TAFA1: variants seen among roughly 807,000 people sequenced by gnomAD.
TAFA1 encodes chemokine-like protein TAFA-1.
A neutral mutation model predicts 18.5 loss-of-function variants in TAFA1; 4 were observed. That is an observed-to-expected ratio of 0.22 (90% CI 0.11 to 0.49). The LOEUF is 0.49. Among genes scored for constraint, TAFA1 ranks in the 20% least tolerant of loss-of-function variants. TAFA1 has a pLI of 0.98. For missense variants in TAFA1, 147 were observed against 169.0 expected (o/e 0.87, Z 0.72); for synonymous variants, 56 against 55.2 (o/e 1.01, Z -0.06).
chr3:68,262,351 A>G lies in TAFA1; in HGVS notation c.119-154929A>G, dbSNP rs1397764988. Among the ~76,000 whole-genome samples the G allele has an allele frequency of 2.1e-4, 20 of 94,492 alleles. 1 individual carries two copies. Among genetic ancestry groups the G allele is most frequent in the Admixed American group, 1.8e-3 (16 of 9,106 alleles). 62.0% of individuals were successfully genotyped at this position (94,492 alleles called of 152,430 possible). A position where few individuals can be genotyped will look rare whatever the true frequency, so the allele number is the denominator to read the frequency against. ...TATATATATATATATATATATATAT[A>G]TATATATTTCATGGGTATATTGAAC... On this transcript the variant is annotated intron_variant, in intron 2 of 4. Coordinates refer to ENST00000478136, the MANE Select transcript of TAFA1 (RefSeq NM_213609.4).
At chr3:68,090,065 C>A (rs572064735) in intron 2 of TAFA1, among the ~76,000 whole-genome samples, 2 of 152,120 alleles carry the variant, frequency 1.3e-5, no homozygotes, top group Non-Finnish European at 2.9e-5. Flanking sequence ...TTCCTTCATT[C>A]GTTCAATCAC....
intron 2 of TAFA1, among the ~76,000 whole-genome samples, chr3:68,262,333 A>T (rs1371954664): frequency 1.1e-5 from 1 of 92,058 alleles, no homozygotes; most frequent in African/African-American, 4.6e-5. Flanking sequence ...ATATATATAT[A>T]TATATATATA....
At chr3:68,264,081 C>T (rs575301127) in intron 2 of TAFA1, among the ~76,000 whole-genome samples, 1 of 152,050 alleles carries the variant, frequency 6.6e-6, no homozygotes, top group Admixed American at 6.6e-5. Flanking sequence ...CACTTGAGGC[C>T]AACATGGTGA....
chr3:68,365,779 G>T (rs6781178), intron 2 of TAFA1, among the ~76,000 whole-genome samples: 1 of 152,026 alleles, frequency 6.6e-6, no homozygotes, highest in Non-Finnish European at 1.5e-5. Context: ...AGGTGAAAGG[G>T]GTTTCCCCTT....
chr3:68,006,132 T>C (rs1285280637), intron 1 of TAFA1: 5 of 155,322 alleles, frequency 3.2e-5, no homozygotes, highest in Non-Finnish European at 7.1e-5. Context: ...CTCTGAGAAA[T>C]GATTACTTAG....
intron 2 of TAFA1, among the ~76,000 whole-genome samples, chr3:68,225,879 T>C (rs554006272): frequency 1.0e-5 from 1 of 100,098 alleles, no homozygotes; most frequent in African/African-American, 3.1e-5. Context: ...AGGTTTGCTG[T>C]AAGCATAAAA....
intron 2 of TAFA1, among the ~76,000 whole-genome samples, chr3:68,298,317 T>C (rs2068247232): frequency 6.6e-6 from 1 of 152,166 alleles, no homozygotes; most frequent in Admixed American, 6.5e-5. Context: ...AGGGTCCATG[T>C]AGGGGCTGAA....
At chr3:68,272,116 A>T (rs1333570050) in intron 2 of TAFA1, among the ~76,000 whole-genome samples, 6 of 152,300 alleles carry the variant, frequency 3.9e-5, no homozygotes, top group Middle Eastern at 3.4e-3. Context: ...TGCCAAAGAT[A>T]GAAATCACTT....
intron 2 of TAFA1, among the ~76,000 whole-genome samples, chr3:68,106,844 A>G (rs528846757): frequency 2.6e-5 from 4 of 152,234 alleles, no homozygotes; most frequent in Admixed American, 6.6e-5. Flanking sequence ...ATCATTAGTC[A>G]TTAGGGAAAC....
chr3:68,495,998 CAAAAAAAAAAAAAAAAA>C (rs199520960), intron 3 of TAFA1, among the ~76,000 whole-genome samples: 24 of 107,516 alleles, frequency 2.2e-4, no homozygotes, highest in Admixed American at 4.6e-4. Context: ...TTCCCTGAAG[CAAAAAAAAAAAAAAAAA>C]AAAAAAAAAA....
chr3:67,991,734 A>C, the TAFA1 span, among the ~76,000 whole-genome samples: 1 of 152,202 alleles, frequency 6.6e-6, no homozygotes, highest in Non-Finnish European at 1.5e-5. Context: ...GGATTGAGCC[A>C]CGCTACTGGC....
chr3:68,498,904 CACTT>C (rs1247937282), intron 3 of TAFA1, among the ~76,000 whole-genome samples: 1 of 151,934 alleles, frequency 6.6e-6, no homozygotes, highest in African/African-American at 2.4e-5. Flanking sequence ...TATTTTTTAA[CACTT>C]ACTGGGAAAT....
At chr3:68,143,464 T>C (rs1288222526) in intron 2 of TAFA1, among the ~76,000 whole-genome samples, 1 of 152,198 alleles carries the variant, frequency 6.6e-6, no homozygotes, top group African/African-American at 2.4e-5. Context: ...AGCACAATGG[T>C]CTCCCTTTCT....
rs1262870036 is a variant in TAFA1, at chr3:68,250,596, G to A, written c.119-166684G>A. Among the ~76,000 whole-genome samples the A allele has an allele frequency of 2.0e-5, 3 of 152,014 alleles. No homozygotes were observed. In the East Asian group the frequency reaches 5.8e-4, roughly 29 times the overall value. ...GTAGCTCTTTCCCCAAAATCTTGAT[G>A]TACTCAGTCAGCTAAGAGGTACCTT... On this transcript the variant is annotated intron_variant, in intron 2 of 4. Coordinates refer to ENST00000478136, the MANE Select transcript of TAFA1 (RefSeq NM_213609.4).
At chr3:68,409,746 G>T (rs760957672) in intron 2 of TAFA1, among the ~76,000 whole-genome samples, 1 of 152,118 alleles carries the variant, frequency 6.6e-6, no homozygotes, top group Non-Finnish European at 1.5e-5. Flanking sequence ...GTTCCCATAG[G>T]TGTCCATTCA....
At chr3:68,493,763 A>T (rs1242912374) in intron 3 of TAFA1, among the ~76,000 whole-genome samples, 1 of 152,220 alleles carries the variant, frequency 6.6e-6, no homozygotes, top group African/African-American at 2.4e-5. Flanking sequence ...TGATCAGAAA[A>T]TTTAAAAAGA....
intron 2 of TAFA1, among the ~76,000 whole-genome samples, chr3:68,062,991 G>T (rs1010098950): frequency 6.6e-6 from 1 of 152,266 alleles, no homozygotes; most frequent in African/African-American, 2.4e-5. Flanking sequence ...AATGCCCACA[G>T]GGGCCAGACA....
intron 2 of TAFA1, among the ~76,000 whole-genome samples, chr3:68,193,101 G>A (rs900366843): frequency 2.0e-5 from 3 of 151,740 alleles, no homozygotes; most frequent in Non-Finnish European, 2.9e-5. Flanking sequence ...TTTTAAGTAT[G>A]AGGAATTAGT....
intron 3 of TAFA1, among the ~76,000 whole-genome samples, chr3:68,501,105 A>C (rs1168437338): frequency 7.0e-6 from 1 of 143,722 alleles, no homozygotes; most frequent in Non-Finnish European, 1.5e-5. Flanking sequence ...TAGTGAGCTG[A>C]GATCATGACA....
Sources: gnomAD v4.1 joint callset for allele counts (sites outside exome capture counted in the v4.1 genomes callset) on GRCh38, gnomAD v4.1.1 for gene constraint, MANE v1.5 for transcripts, NCBI Gene and HGNC (gene_info 2026-07-23, HGNC 2026-07-21) for gene names.